ASTN2: variants seen among roughly 807,000 people sequenced by gnomAD.
The protein encoded by ASTN2 is astrotactin 2, also known as astrotactin-2.
Under a neutral mutation model 139.8 loss-of-function variants are expected in ASTN2, and 54 were observed. The observed-to-expected ratio is 0.39, with a 90% CI of 0.31 to 0.48. The LOEUF is 0.48. ASTN2 is among the 20% of genes least tolerant of loss of function. ASTN2 has a pLI of 0.95. For synonymous variants in ASTN2, 756 were observed against 719.5 expected, an observed-to-expected ratio of 1.05 and a Z score of -0.81; for missense variants, 1,565 against 1,725.1, an observed-to-expected ratio of 0.91 and a Z score of 1.64.
intron 1 of ASTN2, among the ~76,000 whole-genome samples, chr9:117,295,495 A>T (rs1187025483): frequency 6.6e-6 from 1 of 152,120 alleles, no homozygotes; most frequent in African/African-American, 2.4e-5. Flanking sequence ...CACATAATAC[A>T]TGCTCAGTAA....
chr9:117,204,299 T>C (rs1371090234), intron 3 of ASTN2, among the ~76,000 whole-genome samples: 2 of 152,170 alleles, frequency 1.3e-5, no homozygotes, highest in Non-Finnish European at 2.9e-5. Context: ...CCTCATGTGA[T>C]CCACCTGCCT....
rs879889483 is a variant in ASTN2, at chr9:117,068,617, G to A, written c.1276+27427C>T. Among the ~76,000 whole-genome samples, 783 of 103,662 alleles carry A rather than the reference G, an allele frequency of 7.6e-3. 47 individuals are homozygous for A. The highest frequency in any genetic ancestry group is 0.012 in the Non-Finnish European group (588 of 50,186). 68.0% of individuals were successfully genotyped at this position (103,662 alleles called of 152,430 possible). On this transcript the variant is annotated intron_variant, in intron 5 of 22. Coordinates refer to ENST00000313400, the MANE Select transcript of ASTN2 (RefSeq NM_001365068.1). ...CCTCCTTGTACCTCTGGTAGAATTC[G>A]GCTGTGAATCCATCTGGTCCTGGAC...
At chr9:116,556,819 T>C (rs1852642132) in intron 19 of ASTN2, among the ~76,000 whole-genome samples, 1 of 152,172 alleles carries the variant, frequency 6.6e-6, no homozygotes, top group African/African-American at 2.4e-5. Flanking sequence ...TGTAAACACC[T>C]AGAAAGCTGA....
intron 13 of ASTN2, among the ~76,000 whole-genome samples, chr9:116,792,674 T>A (rs1830589406): frequency 6.6e-6 from 1 of 152,174 alleles, no homozygotes; most frequent in African/African-American, 2.4e-5. Flanking sequence ...GCTGCAAAAC[T>A]GAAACATATT....
At chr9:116,970,782 A>T (rs1197797443) in intron 10 of ASTN2, among the ~76,000 whole-genome samples, 2 of 152,216 alleles carry the variant, frequency 1.3e-5, no homozygotes, top group Non-Finnish European at 2.9e-5. Flanking sequence ...TTCAGGAATT[A>T]ACAGTATTTC....
At chr9:117,259,345 C>A (rs1055799072) in intron 2 of ASTN2, among the ~76,000 whole-genome samples, 3 of 152,168 alleles carry the variant, frequency 2.0e-5, no homozygotes, top group South Asian at 2.1e-4. Flanking sequence ...CTGAATGGAC[C>A]CCTCCTCTCG....
chr9:117,335,078 T>C (rs531755817), intron 1 of ASTN2, among the ~76,000 whole-genome samples: 15 of 152,108 alleles, frequency 9.9e-5, no homozygotes, highest in African/African-American at 3.1e-4. Flanking sequence ...CAAAATAAAA[T>C]AAAGTAAAAT....
intron 10 of ASTN2, among the ~76,000 whole-genome samples, chr9:116,895,500 G>A (rs541854880): frequency 4.1e-4 from 62 of 152,240 alleles, no homozygotes; most frequent in South Asian, 1.2e-3. Flanking sequence ...AAGTGGAAGC[G>A]GTCATGGTTT....
At chr9:117,147,438 A>AACACACAC (rs35703147) in intron 3 of ASTN2, among the ~76,000 whole-genome samples, 12 of 148,372 alleles carry the variant, frequency 8.1e-5, no homozygotes, top group Non-Finnish European at 1.0e-4. Context: ...TCTGACTCAA[A>AACACACAC]ACACACACAC....
At chr9:116,767,606 C>T (rs960419084) in intron 13 of ASTN2, among the ~76,000 whole-genome samples, 1 of 152,180 alleles carries the variant, frequency 6.6e-6, no homozygotes, top group African/African-American at 2.4e-5. Context: ...ACGGAGACTA[C>T]AGGCCTTCTT....
At chr9:116,749,476 T>A (rs1829341424) in intron 13 of ASTN2, among the ~76,000 whole-genome samples, 1 of 152,198 alleles carries the variant, frequency 6.6e-6, no homozygotes, top group African/African-American at 2.4e-5. Context: ...ATTTGATTCT[T>A]TCCTAACTAC....
At chr9:117,071,428 G>A (rs1171413811) in intron 5 of ASTN2, among the ~76,000 whole-genome samples, 12 of 151,414 alleles carry the variant, frequency 7.9e-5, no homozygotes, top group Admixed American at 7.9e-4. Flanking sequence ...GTCAGACAGG[G>A]ACATTTAAGT....
chr9:116,865,423 C>CAAAAA (rs869251101), intron 10 of ASTN2, among the ~76,000 whole-genome samples: 1 of 48,830 alleles, frequency 2.0e-5, no homozygotes. Flanking sequence ...AACACTGTCT[C>CAAAAA]AAAAAAAAAA....
intron 16 of ASTN2, among the ~76,000 whole-genome samples, chr9:116,704,414 C>CACTT (rs1178851248): frequency 6.6e-6 from 1 of 152,182 alleles, no homozygotes; most frequent in African/African-American, 2.4e-5. Context: ...GACTTTGTGT[C>CACTT]ACTTAGCTGT....
At chr9:117,291,294 C>T in intron 2 of ASTN2, 32 bp downstream of exon 2, 7 of 1,612,006 alleles carry the variant, frequency 4.3e-6, no homozygotes, top group Non-Finnish European at 5.9e-6. Flanking sequence ...CCACGCAATC[C>T]CCGACCCCGG....
chr9:116,473,562 G>A (rs1282627291), intron 20 of ASTN2, among the ~76,000 whole-genome samples: 2 of 152,162 alleles, frequency 1.3e-5, no homozygotes, highest in Non-Finnish European at 2.9e-5. Flanking sequence ...AATTAGCCAA[G>A]CATGAGTCCC....
intron 13 of ASTN2, among the ~76,000 whole-genome samples, chr9:116,794,159 G>A (rs1293247272): frequency 6.8e-6 from 1 of 146,014 alleles, no homozygotes; most frequent in Non-Finnish European, 1.5e-5. Context: ...GTGCAATGGT[G>A]CAATCTCGGT....
At chr9:116,437,363 G>A (rs767191236) in intron 22 of ASTN2, 19 of 471,186 alleles carry the variant, frequency 4.0e-5, no homozygotes, top group African/African-American at 3.4e-4. Flanking sequence ...ATATCAGTGT[G>A]GGATGTTGGA....
intron 22 of ASTN2, among the ~76,000 whole-genome samples, chr9:116,426,350 G>A (rs565861390): frequency 1.1e-4 from 17 of 152,258 alleles, no homozygotes; most frequent in African/African-American, 3.9e-4. Context: ...AGCCCTAGGA[G>A]TTCAAAGGTG....
Sources: gnomAD v4.1 joint callset for allele counts (sites outside exome capture counted in the v4.1 genomes callset) on GRCh38, gnomAD v4.1.1 for gene constraint, MANE v1.5 for transcripts, NCBI Gene and HGNC (gene_info 2026-07-23, HGNC 2026-07-21) for gene names.